The following STAG1 variants were observed in gnomAD, a reference collection of about 807,000 sequenced individuals.
STAG1 encodes STAG1 cohesin complex component, also known as cohesin subunit SA-1.
In STAG1, 26 loss-of-function variants were observed where a neutral mutation model predicts 170.9. The ratio of observed to expected loss-of-function variants is 0.15; its 90% CI spans 0.11 to 0.21. The LOEUF is 0.21. Among genes scored for constraint, STAG1 ranks in the 10% least tolerant of loss-of-function variants. The pLI is 1.00. For synonymous variants in STAG1, 514 were observed against 497.7 expected (o/e 1.03, Z -0.44); for missense variants, 964 against 1,509.5 (o/e 0.64, Z 5.99).
In STAG1 at chr3:136,439,973, T is replaced by A. The variant is rs547703786; in HGVS notation, c.1546+3314A>T. ...AATGTAAACAGAATTTAAACCACAA[T>A]GAAACACCTAATAGTATATATTTTA... On this transcript the variant is annotated intron_variant, in intron 15 of 33. Transcript: ENST00000383202. Among the ~76,000 whole-genome samples the A allele has an allele frequency of 3.2e-4, 49 of 152,286 alleles. 1 individual carries two copies. The South Asian group carries it at 9.9e-3, about 31-fold the overall frequency.
intron 3 of STAG1, among the ~76,000 whole-genome samples, chr3:136,604,754 G>C (rs1938854415): frequency 6.6e-6 from 1 of 152,052 alleles, no homozygotes; most frequent in Admixed American, 6.5e-5. Context: ...AGGTTCAAGT[G>C]ATTCTCCTGC....
intron 1 of STAG1, among the ~76,000 whole-genome samples, chr3:136,670,135 T>A (rs531764871): frequency 4.6e-5 from 7 of 152,250 alleles, no homozygotes; most frequent in Non-Finnish European, 7.3e-5. Context: ...ATCATTTTGA[T>A]ATTATAGAAT....
chr3:136,436,967 G>A (rs2088479860), intron 15 of STAG1, among the ~76,000 whole-genome samples: 1 of 152,150 alleles, frequency 6.6e-6, no homozygotes, highest in South Asian at 2.1e-4. Flanking sequence ...CCAATGCCTA[G>A]TAATACAAAA....
intron 9 of STAG1, among the ~76,000 whole-genome samples, chr3:136,478,836 G>A (rs542042903): frequency 1.3e-5 from 2 of 152,214 alleles, no homozygotes; most frequent in African/African-American, 2.4e-5. Context: ...TACAGGCTCT[G>A]GAGGAAGACA....
intron 21 of STAG1, among the ~76,000 whole-genome samples, chr3:136,403,648 A>G (rs1453638828): frequency 3.3e-5 from 5 of 152,170 alleles, no homozygotes; most frequent in Non-Finnish European, 7.3e-5. Flanking sequence ...TTAAGCTGGA[A>G]AAGAGTAATG....
chr3:136,597,065 G>C (rs959886853), intron 4 of STAG1, among the ~76,000 whole-genome samples: 1 of 152,150 alleles, frequency 6.6e-6, no homozygotes, highest in Non-Finnish European at 1.5e-5. Flanking sequence ...GACAGAGCGA[G>C]ACTGTATCTT....
At chr3:136,727,182 C>T (rs1452613053) in intron 1 of STAG1, among the ~76,000 whole-genome samples, 4 of 152,108 alleles carry the variant, frequency 2.6e-5, no homozygotes, top group Non-Finnish European at 4.4e-5. Context: ...ATACCATCTG[C>T]CTTCTTTTCC....
At chr3:136,615,595 G>C (rs1049672922) in intron 3 of STAG1, among the ~76,000 whole-genome samples, 1 of 151,644 alleles carries the variant, frequency 6.6e-6, no homozygotes, top group Non-Finnish European at 1.5e-5. Context: ...TGGCTAACAC[G>C]GTGAAACCCC....
chr3:136,593,960 C>T (rs933598589), intron 4 of STAG1, among the ~76,000 whole-genome samples: 3 of 152,218 alleles, frequency 2.0e-5, no homozygotes, highest in African/African-American at 7.2e-5. Flanking sequence ...GTCCTCTCAT[C>T]TAATGTCTCA....
chr3:136,377,128 G>A (rs1165045189), intron 23 of STAG1, among the ~76,000 whole-genome samples: 1 of 148,164 alleles, frequency 6.7e-6, no homozygotes, highest in Non-Finnish European at 1.5e-5. Flanking sequence ...GGCCGGGCAC[G>A]GTGGCTCACG....
At chr3:136,484,377 A>T (rs566874325) in intron 9 of STAG1, among the ~76,000 whole-genome samples, 1 of 147,468 alleles carries the variant, frequency 6.8e-6, no homozygotes, top group South Asian at 2.3e-4. Context: ...GGTGTCTCCC[A>T]GTTAGGCTGC....
intron 9 of STAG1, among the ~76,000 whole-genome samples, chr3:136,478,127 G>A (rs1374641469): frequency 2.0e-5 from 3 of 152,062 alleles, no homozygotes; most frequent in Admixed American, 6.6e-5. Context: ...CACATGTAAT[G>A]AATTAAAAGA....
At chr3:136,672,989 T>C (rs1942023529) in intron 1 of STAG1, among the ~76,000 whole-genome samples, 1 of 152,234 alleles carries the variant, frequency 6.6e-6, no homozygotes, top group South Asian at 2.1e-4. Context: ...TCTACTCTTA[T>C]ACTGAAAGTA....
chr3:136,494,879 A>G (rs1004176754), intron 9 of STAG1, among the ~76,000 whole-genome samples: 5 of 152,182 alleles, frequency 3.3e-5, no homozygotes, highest in Non-Finnish European at 7.3e-5. Context: ...CTATATTGTT[A>G]AGAGGTTAAT....
intron 20 of STAG1, among the ~76,000 whole-genome samples, chr3:136,418,789 G>A (rs937131234): frequency 3.3e-5 from 5 of 151,904 alleles, no homozygotes; most frequent in African/African-American, 9.7e-5. Context: ...CTACAGGTGT[G>A]CGCCATGACA....
rs530519093 is a variant in STAG1, at chr3:136,463,714, TAA to T, written c.1313+1165_1313+1166del. ...GCAAGACAGCAAGACCCCATCTCTC[TAA>T]AAAAAAAAAAATGTGTATATGTGTG... On this transcript the variant is annotated intron_variant, in intron 13 of 33. Coordinates refer to ENST00000383202, the MANE Select transcript of STAG1 (RefSeq NM_005862.3). 3.1e-3 allele frequency among the ~76,000 whole-genome samples: 385 copies of T among 126,144 alleles called. 4 individuals carry two copies. Among genetic ancestry groups the T allele is most frequent in the African/African-American group, 0.011 (370 of 34,498 alleles). The allele number at this position is 126,144 out of a possible 152,430, so 82.8% of individuals were successfully genotyped here.
intron 21 of STAG1, among the ~76,000 whole-genome samples, chr3:136,412,336 T>C (rs1453801115): frequency 6.6e-6 from 1 of 152,192 alleles, no homozygotes; most frequent in Non-Finnish European, 1.5e-5. Flanking sequence ...ATCATTTTAG[T>C]CACTACTCTG....
At chr3:136,563,443 C>T (rs1268137890) in intron 5 of STAG1, among the ~76,000 whole-genome samples, 1 of 151,928 alleles carries the variant, frequency 6.6e-6, no homozygotes, top group African/African-American at 2.4e-5. Context: ...CAGGACTATT[C>T]AAAAACTATA....
chr3:136,400,177 T>C (rs552483167), intron 21 of STAG1, among the ~76,000 whole-genome samples: 13 of 152,050 alleles, frequency 8.5e-5, no homozygotes, highest in African/African-American at 2.9e-4. Flanking sequence ...CCTGCCTTGG[T>C]GTCCCATACT....
Sources: allele counts gnomAD v4.1 joint callset (sites outside exome capture counted in the v4.1 genomes callset), GRCh38; gene constraint gnomAD v4.1.1; transcripts MANE v1.5; gene names NCBI Gene and HGNC (gene_info 2026-07-23, HGNC 2026-07-21).